Variants in PTP4A2 observed in about 807,000 individuals in gnomAD.
PTP4A2 encodes protein tyrosine phosphatase 4A2, also known as protein tyrosine phosphatase type IVA 2.
In PTP4A2, 2 loss-of-function variants were observed where a neutral mutation model predicts 22.9. The ratio of observed to expected loss-of-function variants is 0.09; its 90% CI spans 0.04 to 0.27. The LOEUF (loss-of-function observed/expected upper bound fraction) is 0.27. Among genes scored for constraint, PTP4A2 ranks in the 10% least tolerant of loss-of-function variants. The probability of loss-of-function intolerance (pLI) is 1.00; values close to 1 mark genes in which losing one functional copy is unlikely to be tolerated. For missense variants in PTP4A2, 103 were observed against 205.1 expected (o/e 0.50, Z 3.04); for synonymous variants, 68 against 69.1 (o/e 0.98, Z 0.08).
chr1:31,918,983 T>C lies in PTP4A2; in HGVS notation c.83A>G (p.Asn28Ser), dbSNP rs979855269. 9 of 1,583,008 alleles carry C rather than the reference T, an allele frequency of 5.7e-6. No homozygotes were observed. The highest frequency in any genetic ancestry group is 2.7e-5 in the African/African-American group (2 of 74,200). Residue 28 changes from asparagine (N) to serine (S), a missense_variant, in exon 2 of 6, where the codon AAC becomes AGC. Asn to Ser is a conservative substitution (Grantham distance 46). Transcript: ENST00000647444. ...ITHNPTNATL[N>S]KFTEELKKYG... is the part of the protein sequence containing the mutation. ...CCACAATCTTACCTCTGTGAACTTG[T>C]TGAGAGTAGCATTGGTAGGGTTGTG...
chr1:31,917,698 A>AAT (rs1467274522), intron 2 of PTP4A2, among the ~76,000 whole-genome samples: 1 of 152,182 alleles, frequency 6.6e-6, no homozygotes. Flanking sequence ...TGTTCTGGTC[A>AAT]GGCACAGTGG....
intron 1 of PTP4A2, among the ~76,000 whole-genome samples, chr1:31,925,528 G>A (rs1652409483): frequency 6.6e-6 from 1 of 152,142 alleles, no homozygotes; most frequent in Non-Finnish European, 1.5e-5. Context: ...GCCGAGTTGG[G>A]CAGATCACGA....
intron 3 of PTP4A2, among the ~76,000 whole-genome samples, chr1:31,912,734 A>G (rs1222685276): frequency 6.6e-6 from 1 of 152,166 alleles, no homozygotes; most frequent in African/African-American, 2.4e-5. Context: ...GAATTTTTTT[A>G]AAAACATAAG....
chr1:31,920,023 A>G lies in PTP4A2; in HGVS notation c.-593-365T>C, dbSNP rs369318017. 2.4e-3 allele frequency among the ~76,000 whole-genome samples: 337 copies of G among 143,032 alleles called. 1 individual carries two copies. The South Asian group carries it at 0.026, about 11-fold the overall frequency. The allele number at this position is 143,032 out of a possible 152,430, so 93.8% of individuals were successfully genotyped here. A position where few individuals can be genotyped will look rare whatever the true frequency, so the allele number is the denominator to read the frequency against. ...TGCCTGTAATCCCAGCTACTCAGGAAGCTGAGGCAGGAGAATCGCTTGAAC... is the reference window on the plus strand; with the variant it reads ...TGCCTGTAATCCCAGCTACTCAGGAGGCTGAGGCAGGAGAATCGCTTGAAC... On this transcript the variant is annotated intron_variant, in intron 1 of 5. Coordinates refer to ENST00000647444, the MANE Select transcript of PTP4A2 (RefSeq NM_080391.4).
chr1:31,928,147 G>A (rs1652551149), intron 1 of PTP4A2, among the ~76,000 whole-genome samples: 1 of 146,934 alleles, frequency 6.8e-6, no homozygotes, highest in African/African-American at 2.5e-5. Flanking sequence ...TTGAAACTTA[G>A]ATTTAAATTA....
chr1:31,928,740 G>C (rs1464300845), intron 1 of PTP4A2, among the ~76,000 whole-genome samples: 1 of 151,288 alleles, frequency 6.6e-6, no homozygotes, highest in South Asian at 2.1e-4. Context: ...TACTCCCTTG[G>C]TTATTCCCAC....
intron 5 of PTP4A2, 87 bp downstream of exon 5, chr1:31,909,950 AT>A: frequency 8.3e-7 from 1 of 1,208,408 alleles, no homozygotes. Flanking sequence ...AAATTATCCC[AT>A]ACTATAAATG....
rs1569603320 is a variant in PTP4A2 at position 31,918,696 on chromosome 1, A to G, written c.96+274T>C. Among the ~76,000 whole-genome samples, 4 of 152,358 alleles carry G rather than the reference A, an allele frequency of 2.6e-5. No individual in the cohort carries two copies. The Middle Eastern group carries it at 0.01, about 389-fold the overall frequency. On this transcript the variant is annotated intron_variant, in intron 2 of 5. Transcript: ENST00000647444. ...ATAATGCTAAGTGCATATCGTGGTCAATAAATGTTAATTATCATTACTGAA... is the reference window on the plus strand; with the variant it reads ...ATAATGCTAAGTGCATATCGTGGTCGATAAATGTTAATTATCATTACTGAA...
chr1:31,914,122 A>G (rs1460238106), intron 3 of PTP4A2: 1 of 390,038 alleles, frequency 2.6e-6, no homozygotes, highest in Admixed American at 2.9e-5. Flanking sequence ...GCTGGAGCAC[A>G]GCAGCACAAT....
At chr1:31,918,333 G>A (rs1177694870) in intron 2 of PTP4A2, among the ~76,000 whole-genome samples, 1 of 151,942 alleles carries the variant, frequency 6.6e-6, no homozygotes, top group Non-Finnish European at 1.5e-5. Flanking sequence ...AAATATTAAG[G>A]ATCTGACATA....
At chr1:31,927,459 G>A (rs1298414356) in intron 1 of PTP4A2, among the ~76,000 whole-genome samples, 1 of 151,984 alleles carries the variant, frequency 6.6e-6, no homozygotes, top group Non-Finnish European at 1.5e-5. Context: ...AAACCCGAGC[G>A]ACATTCAATT....
At chr1:31,923,444 C>T (rs1033391789) in intron 1 of PTP4A2, among the ~76,000 whole-genome samples, 2 of 150,256 alleles carry the variant, frequency 1.3e-5, no homozygotes, top group South Asian at 4.2e-4. Flanking sequence ...ACGCCATTCT[C>T]CTGCCTCAGC....
At chr1:31,921,344 C>T (rs950000211) in intron 1 of PTP4A2, 3 of 152,156 alleles carry the variant, frequency 2.0e-5, no homozygotes, top group African/African-American at 7.2e-5. Flanking sequence ...CCACAAATGC[C>T]TCCTGACTCA....
intron 1 of PTP4A2, among the ~76,000 whole-genome samples, chr1:31,922,614 CTTTCTTTCTTTCTTTCTTTCT>C (rs1652225074): frequency 6.7e-6 from 1 of 148,260 alleles, no homozygotes; most frequent in African/African-American, 2.6e-5. Flanking sequence ...TTCTTTCTTT[CTTTCTTTCTTTCTTTCTTTCT>C]TTTATTTATT....
At chr1:31,909,659 G>A (rs1170285941) in intron 5 of PTP4A2, among the ~76,000 whole-genome samples, 10 of 149,998 alleles carry the variant, frequency 6.7e-5, no homozygotes, top group Non-Finnish European at 1.0e-4. Context: ...GCAACAGAGC[G>A]AGACTCCATC....
rs12064807 is a variant in PTP4A2, at chr1:31,923,630, A to G, written c.-593-3972T>C. Among the ~76,000 whole-genome samples the G allele has an allele frequency of 8.8e-3, 1,337 of 151,870 alleles. 10 individuals carry two copies. The highest frequency in any genetic ancestry group is 0.024 in the African/African-American group (1,005 of 41,400). ...ATTACAGGCGTGAGCCACCGCGCCC[A>G]GCCTGCCTCAACCTCTTGAGTAGCT... On this transcript the variant is annotated intron_variant, in intron 1 of 5. Coordinates refer to ENST00000647444, the MANE Select transcript of PTP4A2 (RefSeq NM_080391.4).
chr1:31,909,554 C>G (rs557911003), intron 5 of PTP4A2, among the ~76,000 whole-genome samples: 19 of 152,030 alleles, frequency 1.2e-4, no homozygotes, highest in African/African-American at 4.6e-4. Context: ...TGCCTGTAGT[C>G]CCAGCTACTT....
intron 1 of PTP4A2, chr1:31,924,098 G>A (rs1226337957): frequency 1.3e-5 from 2 of 152,174 alleles, no homozygotes; most frequent in East Asian, 1.9e-4. Flanking sequence ...GACCTGCATT[G>A]TAGTGACAGC....
In PTP4A2 at chr1:31,907,825, G is replaced by A. The variant is rs1376066038; in HGVS notation, c.*1027C>T. ...GCTACAGCCCACAATTCTACAGGGT[G>A]TAAAAAGTACGCTCACTGCCTGGAC... On this transcript the variant is annotated 3_prime_UTR_variant, in exon 6 of 6. Coordinates refer to ENST00000647444, the MANE Select transcript of PTP4A2 (RefSeq NM_080391.4). The A allele has an allele frequency of 6.6e-6, 1 of 151,864 alleles. No individual in the cohort carries two copies. Among genetic ancestry groups the A allele is most frequent in the African/African-American group, 2.4e-5 (1 of 41,322 alleles). The allele number at this position is 151,864 out of a possible 1,614,324, so 9.4% of individuals were successfully genotyped here.
Sources: allele counts gnomAD v4.1 joint callset (sites outside exome capture counted in the v4.1 genomes callset), GRCh38; gene constraint gnomAD v4.1.1; transcripts MANE v1.5; gene names NCBI Gene and HGNC (gene_info 2026-07-23, HGNC 2026-07-21).